The following KANK2 variants were observed in gnomAD, a reference collection of about 807,000 sequenced individuals.
The protein encoded by KANK2 is KN motif and ankyrin repeat domains 2, also known as KN motif and ankyrin repeat domain-containing protein 2.
Under a neutral mutation model 74.6 loss-of-function variants are expected in KANK2, and 41 were observed. The observed-to-expected ratio is 0.55, with a 90% confidence interval of 0.43 to 0.71. The LOEUF (loss-of-function observed/expected upper bound fraction) is 0.71, where lower values mean the gene tolerates loss of function less well. Ranked by LOEUF, KANK2 falls within the 30% of genes least tolerant of loss-of-function variation. The pLI, the probability that KANK2 is intolerant of heterozygous loss-of-function variation, is 0.00. For synonymous variants in KANK2, 537 were observed against 519.0 expected (o/e 1.03, Z -0.47); for missense variants, 1,148 against 1,196.4 (o/e 0.96, Z 0.60).
chr19:11,173,242 A>C, intron 9 of KANK2, 119 bp from the exon 10 acceptor site: 2 of 1,046,168 alleles, frequency 1.9e-6, no homozygotes, highest in South Asian at 1.9e-5. Flanking sequence ...CCCTTTTCTC[A>C]GAGGACCCCA....
At position 11,176,777 on chromosome 19, in the gene KANK2, T is replaced by C; in HGVS notation, c.1561A>G (p.Ile521Val). Residue 521 changes from isoleucine (I) to valine (V), a missense_variant, in exon 7 of 13, where the codon ATC (isoleucine) becomes GTC (valine). By Grantham distance (29) the Ile-to-Val change is conservative (BLOSUM62 3). Transcript: ENST00000586659. ...SSEDSSTAEN[I>V]SDNDSTENEA... ...TTCTCTGTGCTGTCGTTGTCTGAGA[T>C]GTTCTCTGCTGTGCTGGAGTCCTCG... 6.3e-7 allele frequency: 1 copy of C among 1,586,422 alleles called. No homozygotes were observed. The highest frequency in any genetic ancestry group is 8.6e-7 in the Non-Finnish European group (1 of 1,164,674).
chr19:11,195,394 TTGGAGGCCGG>T (rs1457201739), intron 2 of KANK2, among the ~76,000 whole-genome samples: 1 of 152,092 alleles, frequency 6.6e-6, no homozygotes, highest in Non-Finnish European at 1.5e-5. Context: ...CCCCTCAGCC[TTGGAGGCCGG>T]CCAGGGCTCT....
chr19:11,183,647 C>A (rs991980412), intron 4 of KANK2, among the ~76,000 whole-genome samples: 3 of 151,242 alleles, frequency 2.0e-5, no homozygotes, highest in African/African-American at 4.9e-5. Flanking sequence ...CACCACCATG[C>A]CCAGCTAATT....
chr19:11,194,450 G>T, intron 3 of KANK2, 25 bp downstream of exon 3: 1 of 1,603,314 alleles, frequency 6.2e-7, no homozygotes, highest in South Asian at 1.1e-5. Flanking sequence ...CCCGGGGCAG[G>T]GCCCTCTTCC....
intron 4 of KANK2, chr19:11,192,449 TTTTG>T: frequency 1.1e-5 from 2 of 188,746 alleles, no homozygotes; most frequent in Non-Finnish European, 2.2e-5. Flanking sequence ...TTTTTTTTTT[TTTTG>T]AGACAGAGTC....
chr19:11,170,010 T>C lies in KANK2; in HGVS notation c.2412+38A>G. 6.2e-7 allele frequency: 1 copy of C among 1,611,624 alleles called. No individual in the cohort carries two copies. The highest frequency in any genetic ancestry group is 1.1e-5 in the South Asian group (1 of 91,024). On this transcript the variant is annotated intron_variant, in intron 11 of 12. Coordinates refer to ENST00000586659, the MANE Select transcript of KANK2 (RefSeq NM_001136191.3). This position sits in a 1 kb window ranked among gnomAD's most constrained non-coding sequence, Gnocchi z 5.2. ...TATGAATGACGTCCCCATGCTGTGCTCCCGCCCTCCCCGGGGTGCACCTGG... is the reference window on the plus strand; with the variant it reads ...TATGAATGACGTCCCCATGCTGTGCCCCCGCCCTCCCCGGGGTGCACCTGG...
Position 11,187,373 on chromosome 19 carries a change from A to AT in KANK2, c.1249+5457dup, listed in dbSNP as rs111303058. Among the ~76,000 whole-genome samples, 155 of 152,114 alleles carry AT rather than the reference A, an allele frequency of 1.0e-3. 1 individual carries two copies. In the East Asian group the frequency reaches 0.025, roughly 25 times the overall value. On this transcript the variant is annotated intron_variant, in intron 4 of 12. Transcript: ENST00000586659. Reference sequence around the variant, plus strand: ...AGGAAAAAATAAGAAACAGAAAGAGATTTTTTTCTGAAGCACAACACCATT... The same window carrying AT: ...AGGAAAAAATAAGAAACAGAAAGAGATTTTTTTTCTGAAGCACAACACCATT...
At chr19:11,167,296 C>T (rs1815348342) in intron 12 of KANK2, among the ~76,000 whole-genome samples, 2 of 152,052 alleles carry the variant, frequency 1.3e-5, no homozygotes, top group Admixed American at 6.6e-5. Flanking sequence ...AACTCCTGAC[C>T]TCAGGTGATC....
chr19:11,188,653 C>T (rs1568651306), intron 4 of KANK2, among the ~76,000 whole-genome samples: 1 of 151,334 alleles, frequency 6.6e-6, no homozygotes, highest in East Asian at 1.9e-4. Context: ...GTTTTTTCCA[C>T]CTCTTCTGGT....
intron 4 of KANK2, among the ~76,000 whole-genome samples, chr19:11,179,083 AGGCG>A (rs910585602): frequency 6.6e-6 from 1 of 152,134 alleles, no homozygotes; most frequent in African/African-American, 2.4e-5. Flanking sequence ...TGGGAGGCTG[AGGCG>A]GGCGAATCCC....
chr19:11,178,770 A>AC, intron 4 of KANK2, 50 bp from the exon 5 acceptor site: 1 of 1,464,784 alleles, frequency 6.8e-7, no homozygotes, highest in Non-Finnish European at 9.0e-7. Context: ...AAGCCAAACC[A>AC]CCACAGCCCT....
At chr19:11,189,555 G>T (rs1196411276) in intron 4 of KANK2, among the ~76,000 whole-genome samples, 3 of 121,168 alleles carry the variant, frequency 2.5e-5, no homozygotes, top group Admixed American at 1.1e-4. Flanking sequence ...AGTGAGCCGA[G>T]ATTGCATCAC....
chr19:11,174,558 GT>G lies in KANK2; in HGVS notation c.1982del (p.Asn661ThrfsTer53). ...MSARLLDYVV[N>X]IADSNGNTAL... ...CTGTGTTGCCGTTGCTGTCGGCGAT[GT>G]TGACCACGTAGTCCAGCAGCCGCGC... On this transcript the variant is annotated frameshift_variant, in exon 9 of 13. Coordinates refer to ENST00000586659, the MANE Select transcript of KANK2 (RefSeq NM_001136191.3). LOFTEE classifies it high-confidence loss of function. The G allele has an allele frequency of 6.2e-7, 1 of 1,613,694 alleles. No homozygotes were observed. Among genetic ancestry groups the G allele is most frequent in the Non-Finnish European group, 8.5e-7 (1 of 1,179,884 alleles).
rs200587792 is a variant in KANK2 at position 11,193,291 on chromosome 19, C to T, written c.789G>A (p.Glu263=). The part of the protein sequence containing the change: ...PDPPEDPVAL[E]TRSVGTWVRE... ...GAACCCAGGTGCCCACACTCCGGGTCTCCAGTGCCACTGGGTCCTCTGGGG... is the reference window on the plus strand; with the variant it reads ...GAACCCAGGTGCCCACACTCCGGGTTTCCAGTGCCACTGGGTCCTCTGGGG... The change falls in exon 4 of 13, where the codon GAG becomes GAA. Residue 263 remains glutamate (E), a synonymous_variant. Coordinates refer to ENST00000586659, the MANE Select transcript of KANK2 (RefSeq NM_001136191.3). This position sits in a 1 kb window ranked among gnomAD's most constrained non-coding sequence, Gnocchi z 9.6. 3.1e-6 allele frequency: 5 copies of T among 1,611,978 alleles called. No homozygotes were observed. The African/African-American group carries it at 5.3e-5, about 17-fold the overall frequency.
At chr19:11,192,793 C>CCG in intron 4 of KANK2, 38 bp downstream of exon 4, 1 of 1,576,250 alleles carries the variant, frequency 6.3e-7, no homozygotes, top group South Asian at 1.1e-5. Flanking sequence ...GCCCCCCCCC[C>CCG]CCAAGCCATT....
chr19:11,173,565 CCT>C (rs770357427), intron 9 of KANK2, among the ~76,000 whole-genome samples: 2 of 152,194 alleles, frequency 1.3e-5, no homozygotes, highest in African/African-American at 4.8e-5. Context: ...AGGACGCATC[CCT>C]CTCTTAGACC....
chr19:11,169,466 C>T (rs2078111227), intron 12 of KANK2, among the ~76,000 whole-genome samples: 1 of 152,050 alleles, frequency 6.6e-6, no homozygotes. Context: ...TTTAATTGTG[C>T]CACTGCACTC....
At position 11,178,736 on chromosome 19, in the gene KANK2, A is replaced by ATGAG; in HGVS notation, c.1250-20_1250-17dup. On this transcript the variant is annotated splice_polypyrimidine_tract_variant and intron_variant, in intron 4 of 12. Coordinates refer to ENST00000586659, the MANE Select transcript of KANK2 (RefSeq NM_001136191.3). The stretch of plus-strand genomic sequence containing the variant: ...TCTGGGAGGCCTGGAGGGACAGGAA[A>ATGAG]TGAGTGTCTGCTCTTGGTCATAAAA... 2.0e-6 allele frequency: 3 copies of ATGAG among 1,511,812 alleles called. No individual in the cohort carries two copies. The highest frequency in any genetic ancestry group is 2.6e-6 in the Non-Finnish European group (3 of 1,134,406). The allele number at this position is 1,511,812 out of a possible 1,614,324, so 93.6% of individuals were successfully genotyped here.
chr19:11,178,839 C>A, intron 4 of KANK2, 119 bp from the exon 5 acceptor site: 1 of 863,224 alleles, frequency 1.2e-6, no homozygotes, highest in Non-Finnish European at 1.7e-6. Context: ...GTTACCACAT[C>A]CAGTCTTCCT....
Sources: allele counts gnomAD v4.1 joint callset (sites outside exome capture counted in the v4.1 genomes callset), GRCh38; gene constraint gnomAD v4.1.1; non-coding constraint Gnocchi (gnomAD v3.1); transcripts MANE v1.5; gene names NCBI Gene and HGNC (gene_info 2026-07-23, HGNC 2026-07-21).